ZFP82: variants seen among roughly 807,000 people sequenced by gnomAD.
The protein encoded by ZFP82 is zinc finger protein 82 homolog.
ZFP82 carries 30 observed loss-of-function variants against 54.0 expected under a neutral mutation model. That is an observed-to-expected ratio of 0.56 (90% CI 0.42 to 0.75). ZFP82 has a LOEUF of 0.75. Among genes scored for constraint, ZFP82 ranks in the 30% least tolerant of loss-of-function variants. The pLI is 0.00. For synonymous variants in ZFP82, 194 were observed against 209.5 expected, an observed-to-expected ratio of 0.93 and a Z score of 0.64; for missense variants, 500 against 636.8, an observed-to-expected ratio of 0.79 and a Z score of 2.31.
chr19:36,408,763 GC>G (rs1459173634), intron 2 of ZFP82, among the ~76,000 whole-genome samples: 1 of 151,890 alleles, frequency 6.6e-6, no homozygotes, highest in African/African-American at 2.4e-5. Flanking sequence ...GTTGTGGTGA[GC>G]CAAGATCACA....
At chr19:36,397,368 C>T (rs1225755004) in intron 4 of ZFP82, among the ~76,000 whole-genome samples, 1 of 152,052 alleles carries the variant, frequency 6.6e-6, no homozygotes, top group Non-Finnish European at 1.5e-5. Flanking sequence ...GCAGGGATTA[C>T]AGGCGTGAGC....
Position 36,392,675 on chromosome 19 carries a change from G to A in ZFP82, c.*66C>T. ...CTAATGCCAACGCAGTTGCATGTAT[G>A]GAGCAAAATAGATTAATTACTACAT... On this transcript the variant is annotated 3_prime_UTR_variant, in exon 5 of 5. Transcript: ENST00000392161. The A allele has an allele frequency of 7.1e-7, 1 of 1,408,266 alleles. No individual in the cohort carries two copies. The highest frequency in any genetic ancestry group is 9.4e-7 in the Non-Finnish European group (1 of 1,064,294). The allele number at this position is 1,408,266 out of a possible 1,614,324, so 87.2% of individuals were successfully genotyped here. A position where few individuals can be genotyped will look rare whatever the true frequency, so the allele number is the denominator to read the frequency against.
At chr19:36,413,531 C>T (rs1250353636) in intron 1 of ZFP82, among the ~76,000 whole-genome samples, 2 of 152,076 alleles carry the variant, frequency 1.3e-5, no homozygotes, top group Admixed American at 1.3e-4. Flanking sequence ...ATGGCATTGG[C>T]CCACATTAAT....
At position 36,392,670 on chromosome 19, in the gene ZFP82, T is replaced by G; in HGVS notation, c.*71A>C. On this transcript the variant is annotated 3_prime_UTR_variant, in exon 5 of 5. Transcript: ENST00000392161. Reference sequence around the variant, plus strand: ...AACCTCTAATGCCAACGCAGTTGCATGTATGGAGCAAAATAGATTAATTAC... The same window carrying G: ...AACCTCTAATGCCAACGCAGTTGCAGGTATGGAGCAAAATAGATTAATTAC... 1 of 1,358,124 alleles carries G rather than the reference T, an allele frequency of 7.4e-7. No homozygotes were observed. Among genetic ancestry groups the G allele is most frequent in the Non-Finnish European group, 9.8e-7 (1 of 1,021,094 alleles). The allele number at this position is 1,358,124 out of a possible 1,614,324, so 84.1% of individuals were successfully genotyped here.
At chr19:36,401,911 T>C (rs748264452) in intron 4 of ZFP82, among the ~76,000 whole-genome samples, 37 of 152,176 alleles carry the variant, frequency 2.4e-4, no homozygotes, top group Non-Finnish European at 4.7e-4. Flanking sequence ...TCTTCTCAAA[T>C]ATCACCTCAA....
At chr19:36,401,262 A>T (rs1217168363) in intron 4 of ZFP82, among the ~76,000 whole-genome samples, 1 of 152,190 alleles carries the variant, frequency 6.6e-6, no homozygotes, top group Non-Finnish European at 1.5e-5. Flanking sequence ...CCAGGCTGTA[A>T]TCGCTCCAAG....
chr19:36,401,082 T>C (rs1013235876), intron 4 of ZFP82, among the ~76,000 whole-genome samples: 3 of 151,650 alleles, frequency 2.0e-5, no homozygotes, highest in African/African-American at 7.3e-5. Context: ...TTTTAATTTT[T>C]TTAGTGGCTG....
In ZFP82 at chr19:36,405,686, A is replaced by G; in HGVS notation, c.137-14T>C. ...AAATGAAGCATCCTGCTTAGAAGAA[A>G]AGGAATATAAGGTACATGAAAATAA... is the stretch of plus-strand genomic sequence containing the variant. On this transcript the variant is annotated splice_polypyrimidine_tract_variant and intron_variant, in intron 3 of 4. Coordinates refer to ENST00000392161, the MANE Select transcript of ZFP82 (RefSeq NM_133466.4). The G allele has an allele frequency of 6.4e-7, 1 of 1,556,232 alleles. No individual in the cohort carries two copies. The highest frequency in any genetic ancestry group is 8.8e-7 in the Non-Finnish European group (1 of 1,140,098).
At position 36,405,571 on chromosome 19, in the gene ZFP82, A is replaced by G. The variant is rs766915652; in HGVS notation, c.229+9T>C. ...GTTGATGGCTTCTTCCTGCCCAACT[A>G]GCCCTCACCTGGATATTGTCTTCTT... On this transcript the variant is annotated intron_variant, in intron 4 of 4. Coordinates refer to ENST00000392161, the MANE Select transcript of ZFP82 (RefSeq NM_133466.4). 6 of 1,604,074 alleles carry G rather than the reference A, an allele frequency of 3.7e-6. No homozygotes were observed. Among genetic ancestry groups the G allele is most frequent in the Non-Finnish European group, 4.3e-6 (5 of 1,172,794 alleles).
rs2032703306 is a variant in ZFP82, at chr19:36,418,046, G to A, written c.-79+446C>T. Reference sequence around the variant, plus strand: ...TCCTCCCGCCTCAGCCTCTCGAGTGGCTGGGACCACAGGAGCACGCCATCA... The same window carrying A: ...TCCTCCCGCCTCAGCCTCTCGAGTGACTGGGACCACAGGAGCACGCCATCA... On this transcript the variant is annotated intron_variant, in intron 1 of 4. Transcript: ENST00000392161. 2.6e-5 allele frequency among the ~76,000 whole-genome samples: 4 copies of A among 151,922 alleles called. No individual in the cohort carries two copies. In the South Asian group the frequency reaches 8.3e-4, roughly 32 times the overall value.
intron 1 of ZFP82, among the ~76,000 whole-genome samples, chr19:36,415,270 G>A (rs950936996): frequency 6.6e-6 from 1 of 152,238 alleles, no homozygotes; most frequent in East Asian, 1.9e-4. Context: ...ATTTATTGTG[G>A]ATGGTGAGAC....
chr19:36,407,163 G>A (rs1326503799), intron 3 of ZFP82, among the ~76,000 whole-genome samples: 2 of 139,342 alleles, frequency 1.4e-5, no homozygotes, highest in East Asian at 2.2e-4. Flanking sequence ...TGCAAGCTCC[G>A]CCTCCCGGGT....
At chr19:36,405,693 A>G in intron 3 of ZFP82, 21 bp from the exon 4 acceptor site, 1 of 1,544,764 alleles carries the variant, frequency 6.5e-7, no homozygotes, top group Non-Finnish European at 8.8e-7. Flanking sequence ...GAAAAGGAAT[A>G]TAAGGTACAT....
intron 1 of ZFP82, among the ~76,000 whole-genome samples, chr19:36,411,797 G>A (rs560653074): frequency 6.6e-5 from 10 of 151,382 alleles, no homozygotes. Flanking sequence ...ACCAGGAGGC[G>A]GAGCTTGCAG....
chr19:36,402,973 C>G (rs1480750004), intron 4 of ZFP82, among the ~76,000 whole-genome samples: 1 of 151,240 alleles, frequency 6.6e-6, no homozygotes, highest in Non-Finnish European at 1.5e-5. Context: ...CCCAACTCTA[C>G]CAAAAAAAAA....
rs373575371 is a variant in ZFP82 at position 36,407,237 on chromosome 19, C to T, written c.136+650G>A. 7.9e-5 allele frequency among the ~76,000 whole-genome samples: 12 copies of T among 151,228 alleles called. No individual in the cohort carries two copies. The East Asian group carries it at 1.4e-3, about 17-fold the overall frequency. ...GACTACAGGCGCCCGCCACTACGCC[C>T]GGCTAATTTTTTGTATTTTTAGTAG... On this transcript the variant is annotated intron_variant, in intron 3 of 4. Transcript: ENST00000392161.
At chr19:36,406,662 T>C (rs557633620) in intron 3 of ZFP82, among the ~76,000 whole-genome samples, 14 of 152,380 alleles carry the variant, frequency 9.2e-5, no homozygotes, top group African/African-American at 3.4e-4. Context: ...AATGCTGCTG[T>C]GAATACTTAT....
chr19:36,417,889 C>A (rs529658290), intron 1 of ZFP82, among the ~76,000 whole-genome samples: 1 of 152,056 alleles, frequency 6.6e-6, no homozygotes, highest in East Asian at 1.9e-4. Flanking sequence ...TGGGCGGGAG[C>A]GGGGGCTCGT....
At chr19:36,408,072 A>C (rs2032515522) in intron 2 of ZFP82, 59 bp from the exon 3 acceptor site, 2 of 1,579,144 alleles carry the variant, frequency 1.3e-6, no homozygotes, top group Admixed American at 3.4e-5. Context: ...TTAAGGTAGA[A>C]GGAGAAAAGA....
Sources: gnomAD v4.1 joint callset for allele counts (sites outside exome capture counted in the v4.1 genomes callset) on GRCh38, gnomAD v4.1.1 for gene constraint, MANE v1.5 for transcripts, NCBI Gene and HGNC (gene_info 2026-07-23, HGNC 2026-07-21) for gene names.